AGBL4: variants seen among roughly 807,000 people sequenced by gnomAD.
AGBL4 encodes the protein AGBL carboxypeptidase 4.
Under a neutral mutation model 66.4 loss-of-function variants are expected in AGBL4, and 58 were observed. The observed-to-expected ratio is 0.87, with a 90% CI of 0.71 to 1.09. The LOEUF is 1.09. AGBL4 is among the 50% of genes least tolerant of loss of function. The pLI is 0.00. For synonymous variants in AGBL4, 234 were observed against 222.9 expected, an observed-to-expected ratio of 1.05 and a Z score of -0.44; for missense variants, 579 against 631.0, an observed-to-expected ratio of 0.92 and a Z score of 0.88.
intron 1 of AGBL4, chr1:49,995,164 G>A (rs1660271564): frequency 4.4e-6 from 2 of 456,278 alleles, no homozygotes. Context: ...TGACCCAGGA[G>A]AGAAGATACA....
At chr1:48,795,156 C>T (rs1645641336) in intron 6 of AGBL4, among the ~76,000 whole-genome samples, 1 of 152,184 alleles carries the variant, frequency 6.6e-6, no homozygotes, top group African/African-American at 2.4e-5. Context: ...TTACCCCTTC[C>T]CAATGCATTC....
chr1:49,374,796 C>CT (rs1472231569), intron 3 of AGBL4, among the ~76,000 whole-genome samples: 2 of 152,110 alleles, frequency 1.3e-5, no homozygotes, highest in African/African-American at 4.8e-5. Flanking sequence ...CTTCCTAAAC[C>CT]TTCAGTAATC....
chr1:49,558,040 C>A (rs1300423155), intron 3 of AGBL4, among the ~76,000 whole-genome samples: 5 of 151,898 alleles, frequency 3.3e-5, no homozygotes, highest in African/African-American at 7.3e-5. Context: ...CCAAAGAGAA[C>A]CTTCTACCTT....
chr1:48,771,089 G>A (rs971874053), intron 6 of AGBL4, among the ~76,000 whole-genome samples: 18 of 152,328 alleles, frequency 1.2e-4, no homozygotes, highest in African/African-American at 4.1e-4. Flanking sequence ...ATATTTGGTA[G>A]GGAAACACAG....
At chr1:49,948,099 T>C (rs1174565791) in intron 1 of AGBL4, among the ~76,000 whole-genome samples, 17 of 78,402 alleles carry the variant, frequency 2.2e-4, no homozygotes, top group South Asian at 4.9e-4. Context: ...TATGTATATG[T>C]ATATATATGT....
chr1:48,891,869 C>A (rs982834925), intron 5 of AGBL4, among the ~76,000 whole-genome samples: 2 of 152,082 alleles, frequency 1.3e-5, no homozygotes, highest in African/African-American at 4.8e-5. Flanking sequence ...TTCATTAAAC[C>A]ATGCTGTCTC....
At chr1:48,780,548 C>T (rs1645268401) in intron 6 of AGBL4, among the ~76,000 whole-genome samples, 1 of 151,868 alleles carries the variant, frequency 6.6e-6, no homozygotes. Context: ...CTACAGTAGC[C>T]AAAACAGCAT....
At chr1:49,770,504 C>T (rs1644024569) in intron 2 of AGBL4, among the ~76,000 whole-genome samples, 2 of 151,976 alleles carry the variant, frequency 1.3e-5, no homozygotes, top group East Asian at 3.9e-4. Context: ...TGTGCCTTTG[C>T]CTTTGGTCAG....
intron 6 of AGBL4, among the ~76,000 whole-genome samples, chr1:48,671,997 C>T (rs1646284746): frequency 6.6e-6 from 1 of 152,160 alleles, no homozygotes; most frequent in Non-Finnish European, 1.5e-5. Flanking sequence ...TTATGAAGTG[C>T]CCTTTTGCAA....
intron 3 of AGBL4, among the ~76,000 whole-genome samples, chr1:49,557,451 CAG>C (rs1245115002): frequency 1.3e-5 from 2 of 152,110 alleles, no homozygotes; most frequent in African/African-American, 4.8e-5. Context: ...CAGCATAATT[CAG>C]AGTGTCTCTG....
At chr1:49,554,879 G>A (rs1246614044) in intron 3 of AGBL4, among the ~76,000 whole-genome samples, 2 of 152,006 alleles carry the variant, frequency 1.3e-5, no homozygotes, top group Non-Finnish European at 2.9e-5. Context: ...CGCGTCTGGA[G>A]TTGTTCGTTC....
At chr1:48,786,784 C>T (rs4926759) in intron 6 of AGBL4, among the ~76,000 whole-genome samples, 85,869 of 151,834 alleles carry the variant, frequency 0.57, 25,336 homozygotes, top group Non-Finnish European at 0.65. Flanking sequence ...CTCTTACTGC[C>T]GGGGAAGAGT....
At chr1:49,973,826 T>C (rs896298793) in intron 1 of AGBL4, among the ~76,000 whole-genome samples, 1 of 151,424 alleles carries the variant, frequency 6.6e-6, no homozygotes, top group Non-Finnish European at 1.5e-5. Flanking sequence ...TAGTGATACT[T>C]TAACATGATT....
At chr1:49,416,951 CT>C (rs1645438997) in intron 3 of AGBL4, among the ~76,000 whole-genome samples, 1 of 152,046 alleles carries the variant, frequency 6.6e-6, no homozygotes, top group African/African-American at 2.4e-5. Flanking sequence ...ACTAAAAAGA[CT>C]AGGTGAGTCA....
At chr1:48,950,151 C>G (rs1656846835) in intron 5 of AGBL4, among the ~76,000 whole-genome samples, 1 of 152,154 alleles carries the variant, frequency 6.6e-6, no homozygotes, top group South Asian at 2.1e-4. Context: ...GGCTGGAGTG[C>G]AATGGTGTGA....
At chr1:49,286,816 C>T (rs1228155358) in intron 3 of AGBL4, among the ~76,000 whole-genome samples, 1 of 152,056 alleles carries the variant, frequency 6.6e-6, no homozygotes, top group Non-Finnish European at 1.5e-5. Flanking sequence ...CAATGCCATC[C>T]CCATCAAGCT....
chr1:48,523,153 T>A, the AGBL4 span, among the ~76,000 whole-genome samples: 1 of 151,746 alleles, frequency 6.6e-6, no homozygotes, highest in Non-Finnish European at 1.5e-5. Context: ...AGAGGGAGAG[T>A]GACTTTTCTA....
chr1:48,954,984 G>A (rs747529041), intron 5 of AGBL4, among the ~76,000 whole-genome samples: 6 of 152,136 alleles, frequency 3.9e-5, no homozygotes, highest in Non-Finnish European at 7.3e-5. Flanking sequence ...AAGGAAAATA[G>A]GGCTTAGCGT....
intron 2 of AGBL4, among the ~76,000 whole-genome samples, chr1:49,784,887 A>G (rs1358786559): frequency 6.6e-6 from 1 of 152,064 alleles, no homozygotes; most frequent in Non-Finnish European, 1.5e-5. Context: ...TCAAAACCAC[A>G]ATGAGATACT....
Sources: allele counts gnomAD v4.1 joint callset (sites outside exome capture counted in the v4.1 genomes callset), GRCh38; gene constraint gnomAD v4.1.1; transcripts MANE v1.5; gene names NCBI Gene and HGNC (gene_info 2026-07-23, HGNC 2026-07-21).